Variants in FAM135B observed in about 807,000 individuals in gnomAD.
FAM135B encodes the protein family with sequence similarity 135 member B, also known as protein FAM135B.
In FAM135B, 43 loss-of-function variants were observed where a neutral mutation model predicts 127.7. The observed-to-expected ratio is 0.34, with a 90% confidence interval of 0.26 to 0.43. The LOEUF (loss-of-function observed/expected upper bound fraction) is 0.43, where lower values mean the gene tolerates loss of function less well. Ranked by LOEUF, FAM135B falls within the 20% of genes least tolerant of loss-of-function variation. The probability of loss-of-function intolerance (pLI) is 1.00; values close to 1 mark genes in which losing one functional copy is unlikely to be tolerated. For synonymous variants in FAM135B, 670 were observed against 665.1 expected, an observed-to-expected ratio of 1.01 and a Z score of -0.11; for missense variants, 1,558 against 1,725.6, an observed-to-expected ratio of 0.90 and a Z score of 1.72.
chr8:138,148,423 C>T (rs1397385075), intron 14 of FAM135B, 97 bp downstream of exon 14: 7 of 985,172 alleles, frequency 7.1e-6, no homozygotes, highest in Non-Finnish European at 9.0e-6. Flanking sequence ...GCTAATTGAA[C>T]ATTCTGTTGA....
intron 12 of FAM135B, among the ~76,000 whole-genome samples, chr8:138,165,687 T>C (rs1819847414): frequency 6.6e-6 from 1 of 152,192 alleles, no homozygotes; most frequent in Non-Finnish European, 1.5e-5. Flanking sequence ...TATACATGCA[T>C]ACCTATGTAT....
In FAM135B at chr8:138,152,602, C is replaced by T. The variant is rs2130775388; in HGVS notation, c.1873G>A (p.Glu625Lys). ...LSTLGKGIDQ[E>K]GKMVLLSLKL... ...AAGCTTAGCAGCACCATCTTCCCCT[C>T]TTGATCTATTCCCTTTCCTAGAGTA... is the stretch of plus-strand genomic sequence containing the variant. The change falls in exon 13 of 20, where the codon GAG (glutamate) becomes AAG (lysine). Residue 625 changes from glutamate to lysine, a missense_variant. Glu to Lys is a moderately conservative substitution (Grantham distance 56, BLOSUM62 1). Transcript: ENST00000395297. 1 of 1,614,198 alleles carries T rather than the reference C, an allele frequency of 6.2e-7. No homozygotes were observed. Among genetic ancestry groups the T allele is most frequent in the Non-Finnish European group, 8.5e-7 (1 of 1,180,038 alleles).
At chr8:138,197,262 T>C (rs1340865272) in intron 8 of FAM135B, among the ~76,000 whole-genome samples, 1 of 152,106 alleles carries the variant, frequency 6.6e-6, no homozygotes, top group Non-Finnish European at 1.5e-5. Flanking sequence ...AGGTGTGTAA[T>C]AGGTACTCAA....
At chr8:138,467,885 C>T (rs1837460708) in intron 1 of FAM135B, among the ~76,000 whole-genome samples, 1 of 152,126 alleles carries the variant, frequency 6.6e-6, no homozygotes, top group African/African-American at 2.4e-5. Flanking sequence ...TTATTTACTT[C>T]AGTATAATGT....
chr8:138,143,490 C>T (rs1391440901), intron 15 of FAM135B, among the ~76,000 whole-genome samples: 1 of 152,136 alleles, frequency 6.6e-6, no homozygotes, highest in Non-Finnish European at 1.5e-5. Context: ...AGCGTTCACA[C>T]CAAGACAGGC....
In FAM135B at chr8:138,241,375, T is replaced by C. The variant is rs1820757421; in HGVS notation, c.669+1567A>G. ...GAACTGGTCTTATTTGGCTCTAAAA[T>C]CTGCTCCTTCCATGGCACAGAACCC... is the stretch of plus-strand genomic sequence containing the variant. On this transcript the variant is annotated intron_variant, in intron 7 of 19. Coordinates refer to ENST00000395297, the MANE Select transcript of FAM135B (RefSeq NM_015912.4). The surrounding 1 kb of genome is among the most constrained non-coding windows in gnomAD (Gnocchi z 4.8). Among the ~76,000 whole-genome samples, 1 of 152,200 alleles carries C rather than the reference T, an allele frequency of 6.6e-6. No individual in the cohort carries two copies. The highest frequency in any genetic ancestry group is 2.4e-5 in the African/African-American group (1 of 41,448).
chr8:138,151,845 C>T lies in FAM135B; in HGVS notation c.2630G>A (p.Gly877Asp), dbSNP rs1205986937. The T allele has an allele frequency of 6.2e-7, 1 of 1,614,154 alleles. No homozygotes were observed. The highest frequency in any genetic ancestry group is 1.1e-5 in the South Asian group (1 of 91,078). The change falls in exon 13 of 20, where the codon GGT becomes GAT. Residue 877 changes from glycine (G) to aspartate (D), a missense_variant. Gly to Asp is a moderately conservative substitution (Grantham distance 94). Coordinates refer to ENST00000395297, the MANE Select transcript of FAM135B (RefSeq NM_015912.4). ...GACGCGTGGTATTTTTAAATTAAGA[C>T]CTTTGGTTTCAACACCTGGAGTGTT... ...TENTPGVETKGLNLKIPRVIA... is the reference protein window; with the variant it reads ...TENTPGVETKDLNLKIPRVIA...
intron 7 of FAM135B, among the ~76,000 whole-genome samples, chr8:138,206,085 C>A (rs1817531546): frequency 6.7e-6 from 1 of 150,098 alleles, no homozygotes; most frequent in East Asian, 2.0e-4. Context: ...GCATCCTCTC[C>A]ACATACCCAG....
intron 1 of FAM135B, among the ~76,000 whole-genome samples, chr8:138,388,809 C>G (rs1265442544): frequency 6.6e-6 from 1 of 152,108 alleles, no homozygotes; most frequent in Non-Finnish European, 1.5e-5. Context: ...TAGGACATTA[C>G]AATGGTTAAT....
chr8:138,295,491 G>A (rs1825418700), intron 3 of FAM135B, among the ~76,000 whole-genome samples: 1 of 152,102 alleles, frequency 6.6e-6, no homozygotes. Flanking sequence ...GGCCAAGGGA[G>A]GAACTGGATA....
At chr8:138,323,792 C>A (rs1827617610) in intron 2 of FAM135B, among the ~76,000 whole-genome samples, 1 of 151,958 alleles carries the variant, frequency 6.6e-6, no homozygotes, top group South Asian at 2.1e-4. Flanking sequence ...CTCTCACTGC[C>A]TTTTTTTTCT....
chr8:138,423,744 G>A (rs1260810104), intron 1 of FAM135B, among the ~76,000 whole-genome samples: 2 of 152,122 alleles, frequency 1.3e-5, no homozygotes, highest in Non-Finnish European at 2.9e-5. Context: ...CAACCTATCT[G>A]ACCAAAATTT....
intron 1 of FAM135B, among the ~76,000 whole-genome samples, chr8:138,443,267 T>C (rs1015862127): frequency 6.6e-6 from 1 of 152,176 alleles, no homozygotes; most frequent in African/African-American, 2.4e-5. Flanking sequence ...GAGACAGAAA[T>C]TGAAGTCTGG....
At chr8:138,259,565 G>T (rs548622054) in intron 4 of FAM135B, among the ~76,000 whole-genome samples, 2 of 152,268 alleles carry the variant, frequency 1.3e-5, no homozygotes, top group Admixed American at 6.5e-5. Flanking sequence ...TTTCAACCAT[G>T]GGGGCTGGCC....
chr8:138,153,291 G>T, intron 12 of FAM135B, 75 bp from the exon 13 acceptor site: 1 of 1,230,170 alleles, frequency 8.1e-7, no homozygotes, highest in Non-Finnish European at 1.1e-6. Context: ...ATGTCTAACT[G>T]TATAATAAAG....
At position 138,241,073 on chromosome 8, in the gene FAM135B, G is replaced by A. The variant is rs1322201486; in HGVS notation, c.669+1869C>T. 6.6e-6 allele frequency among the ~76,000 whole-genome samples: 1 copy of A among 152,166 alleles called. No individual in the cohort carries two copies. The highest frequency in any genetic ancestry group is 1.9e-4 in the East Asian group (1 of 5,172). On this transcript the variant is annotated intron_variant, in intron 7 of 19. Coordinates refer to ENST00000395297, the MANE Select transcript of FAM135B (RefSeq NM_015912.4). The surrounding 1 kb of genome is among the most constrained non-coding windows in gnomAD (Gnocchi z 4.8). ...CCAGCCCACGTGGGGGCTGAAGGAAGGAAGACTGGACATAGGGAGAAGCTG... is the reference window on the plus strand; with the variant it reads ...CCAGCCCACGTGGGGGCTGAAGGAAAGAAGACTGGACATAGGGAGAAGCTG...
chr8:138,443,535 T>G (rs1352092075), intron 1 of FAM135B, among the ~76,000 whole-genome samples: 1 of 152,170 alleles, frequency 6.6e-6, no homozygotes, highest in South Asian at 2.1e-4. Context: ...CAAATAAAAT[T>G]GCTAATTAGT....
chr8:138,135,220 G>A (rs1313518507), intron 19 of FAM135B, among the ~76,000 whole-genome samples: 1 of 152,060 alleles, frequency 6.6e-6, no homozygotes, highest in Non-Finnish European at 1.5e-5. Context: ...GCTTTACCAA[G>A]GTTGAAATGT....
intron 5 of FAM135B, among the ~76,000 whole-genome samples, chr8:138,252,851 G>A (rs1821796379): frequency 1.3e-5 from 2 of 152,232 alleles, no homozygotes; most frequent in South Asian, 4.1e-4. Context: ...CCAGGCTGGA[G>A]TGCAGTGGCA....
Sources: gnomAD v4.1 joint callset for allele counts (sites outside exome capture counted in the v4.1 genomes callset) on GRCh38, gnomAD v4.1.1 for gene constraint, Gnocchi (gnomAD v3.1) non-coding constraint, MANE v1.5 for transcripts, NCBI Gene and HGNC (gene_info 2026-07-23, HGNC 2026-07-21) for gene names.